FCGR2B: variants seen among roughly 807,000 people sequenced by gnomAD.
FCGR2B encodes low affinity immunoglobulin gamma Fc region receptor II-b.
A neutral mutation model predicts 24.8 loss-of-function variants in FCGR2B; 18 were observed. The ratio of observed to expected loss-of-function variants is 0.73; its 90% CI spans 0.50 to 1.08. The LOEUF (loss-of-function observed/expected upper bound fraction) is 1.08, where lower values mean the gene tolerates loss of function less well. FCGR2B is among the 50% of genes least tolerant of loss of function. The probability of loss-of-function intolerance (pLI) is 0.00; values close to 1 mark genes in which losing one functional copy is unlikely to be tolerated. For missense variants in FCGR2B, 215 were observed against 297.6 expected, an observed-to-expected ratio of 0.72 and a Z score of 2.04; for synonymous variants, 79 against 109.8, an observed-to-expected ratio of 0.72 and a Z score of 1.75.
chr1:161,675,905 G>C (rs1227223149), intron 6 of FCGR2B: 1 of 232,968 alleles, frequency 4.3e-6, no homozygotes, highest in Admixed American at 5.6e-5. Context: ...ATGCACTCAA[G>C]GTTGACTGAA....
chr1:161,673,302 C>T, intron 4 of FCGR2B, 73 bp downstream of exon 4: 2 of 1,601,714 alleles, frequency 1.2e-6, no homozygotes, highest in Non-Finnish European at 1.7e-6. Context: ...CATGGGCCTA[C>T]ATGGAGGTCT....
chr1:161,661,242 GAAAGAAAGAAAGAAAGA>G (rs1557895166), upstream of FCGR2B, among the ~76,000 whole-genome samples: 72 of 72,950 alleles, frequency 9.9e-4, 3 homozygotes, highest in Middle Eastern at 5.9e-3. Context: ...AAGAAAGAAA[GAAAGAAAGAAAGAAAGA>G]AAGGAAGGAA....
chr1:161,660,998 C>T (rs1277948575), upstream of FCGR2B, among the ~76,000 whole-genome samples: 1 of 79,468 alleles, frequency 1.3e-5, no homozygotes, highest in Non-Finnish European at 2.4e-5. Flanking sequence ...CGCTTGAACC[C>T]GGGAGGCGGA....
chr1:161,649,176 C>A, the FCGR2B span, among the ~76,000 whole-genome samples: 1 of 150,742 alleles, frequency 6.6e-6, no homozygotes, highest in Non-Finnish European at 1.5e-5. Context: ...GGCTCATAAG[C>A]CAACTCAGAT....
chr1:161,650,515 C>T, the FCGR2B span, among the ~76,000 whole-genome samples: 13 of 146,644 alleles, frequency 8.9e-5, no homozygotes, highest in African/African-American at 3.3e-4. Context: ...CTATGCTCTC[C>T]ACTGGAGGAC....
chr1:161,675,219 C>T (rs1682012633), intron 5 of FCGR2B, 38 bp from the exon 6 acceptor site: 15 of 1,530,094 alleles, frequency 9.8e-6, no homozygotes, highest in Non-Finnish European at 1.3e-5. Context: ...TCAGGCCCCA[C>T]CGCCTAATCC....
At chr1:161,674,380 G>T (rs1395316058) in intron 5 of FCGR2B, 1 of 354,054 alleles carries the variant, frequency 2.8e-6, no homozygotes, top group African/African-American at 2.1e-5. Flanking sequence ...TAAGAGCAAT[G>T]ATAGGGACAT....
chr1:161,652,827 A>G, the FCGR2B span, among the ~76,000 whole-genome samples: 2 of 134,514 alleles, frequency 1.5e-5, no homozygotes, highest in Non-Finnish European at 3.4e-5. Flanking sequence ...TTCGGGTTTT[A>G]TTATTGCCAT....
At chr1:161,669,185 A>G (rs1571019519) in intron 1 of FCGR2B, among the ~76,000 whole-genome samples, 1 of 141,788 alleles carries the variant, frequency 7.1e-6, no homozygotes, top group East Asian at 1.9e-4. Context: ...TATTTCTAAT[A>G]GCAAAAATCT....
the FCGR2B span, among the ~76,000 whole-genome samples, chr1:161,648,998 A>G: frequency 6.6e-6 from 1 of 151,050 alleles, no homozygotes; most frequent in Non-Finnish European, 1.5e-5. Context: ...TATTTGGGAG[A>G]TTAATGAATA....
At chr1:161,647,646 G>T in the FCGR2B span, among the ~76,000 whole-genome samples, 1 of 150,782 alleles carries the variant, frequency 6.6e-6, no homozygotes, top group East Asian at 1.9e-4. Flanking sequence ...CCATTAGTTG[G>T]CTGTTTCTTG....
chr1:161,673,449 C>A, intron 4 of FCGR2B: 1 of 753,348 alleles, frequency 1.3e-6, no homozygotes, highest in South Asian at 1.4e-5. Flanking sequence ...GCTGTTGTTC[C>A]ACTTTGAAAT....
chr1:161,675,116 G>C, intron 5 of FCGR2B, 141 bp from the exon 6 acceptor site: 1 of 604,834 alleles, frequency 1.7e-6, no homozygotes, highest in South Asian at 2.2e-5. Context: ...TCTGAGCAGG[G>C]GAGCTGGGGG....
intron 6 of FCGR2B, chr1:161,677,046 G>T (rs1009066581): frequency 1.5e-5 from 7 of 481,114 alleles, no homozygotes; most frequent in African/African-American, 1.2e-4. Context: ...AAGCCTCCCT[G>T]GTTTGCTTCT....
chr1:161,667,132 AAGG>A (rs1433206527), intron 1 of FCGR2B, among the ~76,000 whole-genome samples: 1 of 38,838 alleles, frequency 2.6e-5, no homozygotes, highest in Non-Finnish European at 5.2e-5. Flanking sequence ...AAATGCGAGG[AAGG>A]AGAAGACAGG....
upstream of FCGR2B, among the ~76,000 whole-genome samples, chr1:161,661,333 C>T (rs2102641845): frequency 7.3e-6 from 1 of 136,462 alleles, no homozygotes; most frequent in East Asian, 2.4e-4. Context: ...CTCGTTTCTA[C>T]CTTATCTTAC....
rs879718341 is a variant in FCGR2B at position 161,678,057 on chromosome 1, A to G, written c.*504A>G. ...TATAATAAAACATTATAAAAACAAC[A>G]TTCTGTTTACCTTTTCAAGGCTGTA... On this transcript the variant is annotated 3_prime_UTR_variant, in exon 8 of 8. Transcript: ENST00000358671. 9.2e-6 allele frequency: 2 copies of G among 217,352 alleles called. No homozygotes were observed. Among genetic ancestry groups the G allele is most frequent in the Non-Finnish European group, 1.9e-5 (2 of 107,990 alleles). The allele number at this position is 217,352 out of a possible 1,614,324, so 13.5% of individuals were successfully genotyped here.
the FCGR2B span, among the ~76,000 whole-genome samples, chr1:161,648,750 C>T: frequency 1.3e-5 from 2 of 150,492 alleles, no homozygotes; most frequent in Admixed American, 6.7e-5. Context: ...AGTACAGTGG[C>T]GCAAGCTTGG....
At chr1:161,671,767 G>A (rs1051487221) in intron 3 of FCGR2B, 118 bp downstream of exon 3, 2 of 1,552,000 alleles carry the variant, frequency 1.3e-6, no homozygotes, top group Non-Finnish European at 1.7e-6. Context: ...ATCGCTGTGA[G>A]TTGCCTCAGC....
Sources: allele counts gnomAD v4.1 joint callset (sites outside exome capture counted in the v4.1 genomes callset), GRCh38; gene constraint gnomAD v4.1.1; transcripts MANE v1.5; gene names NCBI Gene and HGNC (gene_info 2026-07-23, HGNC 2026-07-21).